Variants in TMEM178B observed in about 807,000 individuals in gnomAD.
TMEM178B encodes the protein transmembrane protein 178B.
Under a neutral mutation model 31.0 loss-of-function variants are expected in TMEM178B, and 5 were observed. That is an observed-to-expected ratio of 0.16 (90% CI 0.08 to 0.34). The LOEUF is 0.34. TMEM178B is among the 10% of genes least tolerant of loss of function. TMEM178B has a pLI of 1.00. For synonymous variants in TMEM178B, 164 were observed against 164.0 expected, an observed-to-expected ratio of 1.00 and a Z score of 0.00; for missense variants, 275 against 400.3, an observed-to-expected ratio of 0.69 and a Z score of 2.67.
chr7:141,423,858 G>A (rs1001588330), intron 2 of TMEM178B, among the ~76,000 whole-genome samples: 1 of 148,452 alleles, frequency 6.7e-6, no homozygotes, highest in East Asian at 2.0e-4. Flanking sequence ...ACCCAGGCTG[G>A]AGTGTAGTGG....
intron 2 of TMEM178B, among the ~76,000 whole-genome samples, chr7:141,419,246 G>C (rs1801157030): frequency 6.6e-6 from 1 of 152,140 alleles, no homozygotes; most frequent in East Asian, 1.9e-4. Flanking sequence ...CCAAAAAAAA[G>C]AAAGAAAAAG....
intron 2 of TMEM178B, among the ~76,000 whole-genome samples, chr7:141,356,334 A>T (rs1382368089): frequency 6.6e-6 from 1 of 152,026 alleles, no homozygotes; most frequent in East Asian, 1.9e-4. Flanking sequence ...CATTCCCACA[A>T]ATAGTGTATA....
intron 1 of TMEM178B, among the ~76,000 whole-genome samples, chr7:141,124,639 T>A (rs1360557487): frequency 6.6e-6 from 1 of 152,252 alleles, no homozygotes; most frequent in Non-Finnish European, 1.5e-5. Flanking sequence ...TTATTTATTT[T>A]GTTTCCCCAG....
rs115212486 is a variant in TMEM178B at position 141,404,585 on chromosome 7, A to G, written c.497-33023A>G. On this transcript the variant is annotated intron_variant, in intron 2 of 3. Coordinates refer to ENST00000565468, the MANE Select transcript of TMEM178B (RefSeq NM_001195278.2). ...TTCCTGTCCTTTCTCTTCTAAGAGTAAGAGGCATTGGATTTAGAGCCCACC... is the reference window on the plus strand; with the variant it reads ...TTCCTGTCCTTTCTCTTCTAAGAGTGAGAGGCATTGGATTTAGAGCCCACC... 4.5e-3 allele frequency among the ~76,000 whole-genome samples: 678 copies of G among 152,214 alleles called. 5 individuals are homozygous for G. The highest frequency in any genetic ancestry group is 0.015 in the African/African-American group (632 of 41,528).
At chr7:141,235,768 T>C (rs1425230659) in intron 2 of TMEM178B, among the ~76,000 whole-genome samples, 1 of 152,222 alleles carries the variant, frequency 6.6e-6, no homozygotes, top group African/African-American at 2.4e-5. Context: ...ATACTCCTAA[T>C]CATAGGGCTC....
Position 141,331,512 on chromosome 7 carries a change from C to G in TMEM178B, c.497-106096C>G, listed in dbSNP as rs192280870. Among the ~76,000 whole-genome samples, 167 of 152,134 alleles carry G rather than the reference C, an allele frequency of 1.1e-3. 1 individual carries two copies. The highest frequency in any genetic ancestry group is 8.0e-3 in the Admixed American group (123 of 15,292). The stretch of plus-strand genomic sequence containing the variant: ...GATGAGCTTCCCTTGGAATTAGCAG[C>G]ATGAAGTGCAATGGTGAGCTTGATA... On this transcript the variant is annotated intron_variant, in intron 2 of 3. Coordinates refer to ENST00000565468, the MANE Select transcript of TMEM178B (RefSeq NM_001195278.2).
intron 2 of TMEM178B, among the ~76,000 whole-genome samples, chr7:141,395,567 A>G (rs112216973): frequency 3.1e-4 from 47 of 152,300 alleles, no homozygotes; most frequent in African/African-American, 1.1e-3. Flanking sequence ...CTCTCTTCTT[A>G]GGACAAGGAA....
chr7:141,253,805 G>A (rs1761495974), intron 2 of TMEM178B, among the ~76,000 whole-genome samples: 1 of 152,204 alleles, frequency 6.6e-6, no homozygotes, highest in Non-Finnish European at 1.5e-5. Flanking sequence ...GCCTGCCTCG[G>A]CCTCTCAAAG....
At chr7:141,504,771 G>A in the TMEM178B span, among the ~76,000 whole-genome samples, 1 of 152,196 alleles carries the variant, frequency 6.6e-6, no homozygotes, top group Admixed American at 6.5e-5. Flanking sequence ...GAAGTCTGAC[G>A]CTTTAATGCA....
At chr7:141,393,881 C>A (rs553383361) in intron 2 of TMEM178B, among the ~76,000 whole-genome samples, 1 of 152,314 alleles carries the variant, frequency 6.6e-6, no homozygotes, top group Non-Finnish European at 1.5e-5. Context: ...TTTTAACTTT[C>A]ATTTAGGAGG....
intron 2 of TMEM178B, among the ~76,000 whole-genome samples, chr7:141,244,810 CGGG>C (rs898642516): frequency 6.6e-6 from 1 of 151,796 alleles, no homozygotes; most frequent in African/African-American, 2.4e-5. Context: ...AGGTTGCCCT[CGGG>C]GGGAAGAAGA....
chr7:141,263,406 G>A lies in TMEM178B; in HGVS notation c.496+50702G>A, dbSNP rs147635488. Among the ~76,000 whole-genome samples the A allele has an allele frequency of 2.4e-4, 36 of 152,248 alleles. 1 individual carries two copies. The East Asian group carries it at 7.0e-3, about 29-fold the overall frequency. On this transcript the variant is annotated intron_variant, in intron 2 of 3. Coordinates refer to ENST00000565468, the MANE Select transcript of TMEM178B (RefSeq NM_001195278.2). ...CAGGTACAGTCTTCCACTTGATATT[G>A]CTTCCAATTCACCACCTACCATTGC...
Position 141,145,012 on chromosome 7 carries a change from T to C in TMEM178B, c.383-67579T>C, listed in dbSNP as rs116710431. Among the ~76,000 whole-genome samples, 1,045 of 152,318 alleles carry C rather than the reference T, an allele frequency of 6.9e-3. 16 individuals are homozygous for C. The highest frequency in any genetic ancestry group is 0.023 in the African/African-American group (971 of 41,568). On this transcript the variant is annotated intron_variant, in intron 1 of 3. Transcript: ENST00000565468. ...TGGAGTCTTTAGTTGCTATCTGACCTTTAGCTCTGGCATAATTACTTTTCT... is the reference window on the plus strand; with the variant it reads ...TGGAGTCTTTAGTTGCTATCTGACCCTTAGCTCTGGCATAATTACTTTTCT...
the TMEM178B span, among the ~76,000 whole-genome samples, chr7:141,499,792 A>G: frequency 6.6e-6 from 1 of 152,348 alleles, no homozygotes; most frequent in African/African-American, 2.4e-5. Context: ...AAAAATATAT[A>G]AAGTCCCACC....
intron 2 of TMEM178B, among the ~76,000 whole-genome samples, chr7:141,277,540 T>A (rs1192661499): frequency 1.3e-5 from 2 of 152,152 alleles, no homozygotes; most frequent in Admixed American, 1.3e-4. Context: ...TACAGTTAAC[T>A]TTGTTTTCAA....
intron 2 of TMEM178B, chr7:141,297,077 T>G (rs1276175007): frequency 6.6e-6 from 1 of 152,226 alleles, no homozygotes; most frequent in Non-Finnish European, 1.5e-5. Flanking sequence ...ACCACCATTG[T>G]TATTATTATA....
chr7:141,490,132 C>T, the TMEM178B span, among the ~76,000 whole-genome samples: 14 of 152,070 alleles, frequency 9.2e-5, no homozygotes, highest in Non-Finnish European at 2.1e-4. Context: ...CGTGGTCTTC[C>T]GCTCCCTCCC....
chr7:141,132,988 T>C (rs191335128), intron 1 of TMEM178B, among the ~76,000 whole-genome samples: 2 of 152,158 alleles, frequency 1.3e-5, no homozygotes, highest in Non-Finnish European at 1.5e-5. Context: ...TGATTATAGC[T>C]AAAGAAATCA....
intron 1 of TMEM178B, among the ~76,000 whole-genome samples, chr7:141,159,538 G>A (rs994438280): frequency 6.6e-6 from 1 of 152,126 alleles, no homozygotes; most frequent in Admixed American, 6.6e-5. Context: ...GCCAAAAGGC[G>A]GAAGCAACCC....
Sources: gnomAD v4.1 joint callset for allele counts (sites outside exome capture counted in the v4.1 genomes callset) on GRCh38, gnomAD v4.1.1 for gene constraint, MANE v1.5 for transcripts, NCBI Gene and HGNC (gene_info 2026-07-23, HGNC 2026-07-21) for gene names.